The following SLC43A2 variants were observed in gnomAD, a reference collection of about 807,000 sequenced individuals.
SLC43A2 encodes the protein solute carrier family 43 member 2.
Under a neutral mutation model 63.2 loss-of-function variants are expected in SLC43A2, and 38 were observed. That is an observed-to-expected ratio of 0.60 (90% CI 0.46 to 0.79). The LOEUF (loss-of-function observed/expected upper bound fraction) is 0.79, where lower values mean the gene tolerates loss of function less well. Ranked by LOEUF, SLC43A2 falls within the 30% of genes least tolerant of loss-of-function variation. The pLI is 0.00. For synonymous variants in SLC43A2, 322 were observed against 331.0 expected (o/e 0.97, Z 0.30); for missense variants, 644 against 756.2 (o/e 0.85, Z 1.74).
Position 1,573,190 on chromosome 17 carries a change from A to AAAG in SLC43A2, c.*2413_*2414insCTT, listed in dbSNP as rs1393082016. On this transcript the variant is annotated 3_prime_UTR_variant, in exon 14 of 14. Coordinates refer to ENST00000301335, the MANE Select transcript of SLC43A2 (RefSeq NM_152346.3). ...AGACCCCAACTCAAAAAAAAAAAAA[A>AAAG]AAAAAAAAAGGCGGCCTTTTCCCAG... 6.6e-6 allele frequency: 1 copy of AAAG among 151,872 alleles called. No individual in the cohort carries two copies. The highest frequency in any genetic ancestry group is 2.4e-5 in the African/African-American group (1 of 41,194). 9.4% of individuals were successfully genotyped at this position (151,872 alleles called of 1,614,324 possible). A position where few individuals can be genotyped will look rare whatever the true frequency, so the allele number is the denominator to read the frequency against.
rs887985246 is a variant in SLC43A2 at position 1,575,178 on chromosome 17, G to A, written c.*426C>T. On this transcript the variant is annotated 3_prime_UTR_variant, in exon 14 of 14. Transcript: ENST00000301335. The stretch of plus-strand genomic sequence containing the variant: ...GGGGGCCAGGCGCGGGCGAGACAGT[G>A]CAAGCCTTTGTCCTCAGGCAGGTAC... 2.3e-5 allele frequency: 6 copies of A among 266,386 alleles called. No individual in the cohort carries two copies. Among genetic ancestry groups the A allele is most frequent in the African/African-American group, 1.4e-4 (6 of 43,302 alleles). The allele number at this position is 266,386 out of a possible 1,614,324, so 16.5% of individuals were successfully genotyped here.
intron 2 of SLC43A2, among the ~76,000 whole-genome samples, chr17:1,617,892 G>A (rs528504739): frequency 2.6e-5 from 4 of 152,376 alleles, no homozygotes; most frequent in East Asian, 3.9e-4. Context: ...GGTGGAGGAC[G>A]GGCTGGGAAC....
chr17:1,612,361 G>A (rs1323039321), intron 5 of SLC43A2, among the ~76,000 whole-genome samples: 2 of 152,164 alleles, frequency 1.3e-5, no homozygotes, highest in Admixed American at 1.3e-4. Context: ...CCCAACAAGG[G>A]GGTGCTTAGT....
intron 11 of SLC43A2, among the ~76,000 whole-genome samples, chr17:1,582,488 C>T (rs117314905): frequency 0.019 from 2,855 of 152,222 alleles, 49 homozygotes; most frequent in Middle Eastern, 0.044. Flanking sequence ...CTCCCACCAA[C>T]ACCACAGATT....
Position 1,588,373 on chromosome 17 carries a change from C to T in SLC43A2, c.1079-2322G>A, listed in dbSNP as rs192287621. On this transcript the variant is annotated intron_variant, in intron 9 of 13. Coordinates refer to ENST00000301335, the MANE Select transcript of SLC43A2 (RefSeq NM_152346.3). ...TGTGCTCCAGCCCGGGTGACAAGAG[C>T]GAAAATCCATGTCAAAAAAAAAAGA... 1.8e-3 allele frequency among the ~76,000 whole-genome samples: 271 copies of T among 147,886 alleles called. 4 individuals are homozygous for T. The highest frequency in any genetic ancestry group is 7.1e-4 in the Non-Finnish European group (48 of 67,370).
At position 1,570,518 on chromosome 17, in the gene SLC43A2, GCT is replaced by G. The variant is rs1348463713; in HGVS notation, c.*5084_*5085del. 2.1e-5 allele frequency: 3 copies of G among 141,146 alleles called. No individual in the cohort carries two copies. The highest frequency in any genetic ancestry group is 7.3e-5 in the Admixed American group (1 of 13,730). The allele number at this position is 141,146 out of a possible 1,614,324, so 8.7% of individuals were successfully genotyped here. A position where few individuals can be genotyped will look rare whatever the true frequency, so the allele number is the denominator to read the frequency against. On this transcript the variant is annotated 3_prime_UTR_variant, in exon 14 of 14. Transcript: ENST00000301335. ...TTTTTTTTTTTTGAGACGGAGTCTC[GCT>G]CTGTCGCCCAGGCTGGAGTGCAGTG...
intron 5 of SLC43A2, among the ~76,000 whole-genome samples, chr17:1,604,010 G>A (rs1184480586): frequency 6.6e-6 from 1 of 152,054 alleles, no homozygotes; most frequent in Non-Finnish European, 1.5e-5. Flanking sequence ...TCCAATCTGC[G>A]CCCTTCAACT....
rs117776467 is a variant in SLC43A2 at position 1,585,942 on chromosome 17, G to A, written c.1188C>T (p.Ser396=). ...DWRLKECEDA[S]EEPEEKDANQ... ...TGGCGTCTTTCTCCTCGGGCTCCTC[G>A]GAGGCGTCTTCACACTCCTTCAGCC... Residue 396 remains serine (S), a synonymous_variant, in exon 10 of 14, where the codon TCC becomes TCT. Coordinates refer to ENST00000301335, the MANE Select transcript of SLC43A2 (RefSeq NM_152346.3). 21,731 of 1,613,674 alleles carry A rather than the reference G, an allele frequency of 0.013. 190 individuals carry two copies. Among genetic ancestry groups the A allele is most frequent in the Non-Finnish European group, 0.016 (18,926 of 1,180,028 alleles).
At chr17:1,589,085 C>G in intron 9 of SLC43A2, among the ~76,000 whole-genome samples, 1 of 152,230 alleles carries the variant, frequency 6.6e-6, no homozygotes, top group South Asian at 2.1e-4. Context: ...GGGGGAAAAC[C>G]AGTGCCTCGT....
Position 1,587,012 on chromosome 17 carries a change from A to T in SLC43A2, c.1079-961T>A, listed in dbSNP as rs1328287245. 3.3e-6 allele frequency: 5 copies of T among 1,517,478 alleles called. No individual in the cohort carries two copies. In the East Asian group the frequency reaches 7.5e-5, roughly 23 times the overall value. 94.0% of individuals were successfully genotyped at this position (1,517,478 alleles called of 1,614,324 possible). ...AGCAGAAAGAAGAGAGGTTAGTGGC[A>T]GAAATCTCAGTGCTACAGAGAGATG... On this transcript the variant is annotated intron_variant, in intron 9 of 13. Transcript: ENST00000301335.
intron 5 of SLC43A2, among the ~76,000 whole-genome samples, chr17:1,597,296 A>T (rs1206926857): frequency 2.0e-5 from 3 of 148,984 alleles, no homozygotes; most frequent in African/African-American, 7.4e-5. Context: ...CAAGATCAGG[A>T]GTTCAAGACC....
At chr17:1,586,354 C>G (rs889067574) in intron 9 of SLC43A2, among the ~76,000 whole-genome samples, 1 of 152,152 alleles carries the variant, frequency 6.6e-6, no homozygotes, top group Non-Finnish European at 1.5e-5. Context: ...AACTTGGGAA[C>G]TCCTGTGACG....
intron 5 of SLC43A2, 58 bp downstream of exon 5, chr17:1,613,137 G>A (rs777875819): frequency 2.5e-5 from 36 of 1,437,132 alleles, no homozygotes; most frequent in South Asian, 4.7e-5. Context: ...CAATCAAAGC[G>A]GCCTCAAATT....
chr17:1,617,400 T>C (rs984025068), intron 2 of SLC43A2, among the ~76,000 whole-genome samples: 8 of 152,046 alleles, frequency 5.3e-5, no homozygotes, highest in Non-Finnish European at 1.0e-4. Context: ...TCTTTTTCTT[T>C]TTTTTTTTGA....
At chr17:1,591,166 CG>C in intron 8 of SLC43A2, 102 bp downstream of exon 8, 1 of 1,440,668 alleles carries the variant, frequency 6.9e-7, no homozygotes, top group Non-Finnish European at 9.4e-7. Flanking sequence ...CAGAACAGGG[CG>C]GGCGGGGCCG....
intron 5 of SLC43A2, among the ~76,000 whole-genome samples, chr17:1,598,997 G>T (rs1014466284): frequency 2.5e-4 from 38 of 152,186 alleles, no homozygotes; most frequent in African/African-American, 8.9e-4. Context: ...ACCACACTAG[G>T]TAGCCTTCAA....
intron 9 of SLC43A2, 111 bp from the exon 10 acceptor site, chr17:1,586,162 C>T: frequency 9.1e-6 from 13 of 1,434,310 alleles, no homozygotes; most frequent in South Asian, 7.2e-5. Flanking sequence ...GGGGTCTGCC[C>T]CAGAACCCCC....
intron 2 of SLC43A2, among the ~76,000 whole-genome samples, chr17:1,619,333 A>C (rs561348936): frequency 1.7e-4 from 26 of 152,266 alleles, no homozygotes; most frequent in African/African-American, 5.5e-4. Flanking sequence ...CAAAACAAAA[A>C]CAATGGCACC....
intron 2 of SLC43A2, among the ~76,000 whole-genome samples, chr17:1,618,712 T>C (rs1332547636): frequency 6.6e-6 from 1 of 152,212 alleles, no homozygotes; most frequent in African/African-American, 2.4e-5. Context: ...GGGCCAGGTG[T>C]GGCGGCTCAT....
Sources: allele counts gnomAD v4.1 joint callset (sites outside exome capture counted in the v4.1 genomes callset), GRCh38; gene constraint gnomAD v4.1.1; transcripts MANE v1.5; gene names NCBI Gene and HGNC (gene_info 2026-07-23, HGNC 2026-07-21).